The following SLFN5 variants were observed in gnomAD, a reference collection of about 807,000 sequenced individuals.
SLFN5 encodes the protein schlafen family member 5.
Under a neutral mutation model 48.5 loss-of-function variants are expected in SLFN5, and 34 were observed. The observed-to-expected ratio is 0.70, with a 90% confidence interval of 0.53 to 0.93. SLFN5 has a LOEUF of 0.93. Ranked by LOEUF, SLFN5 falls within the 40% of genes least tolerant of loss-of-function variation. The pLI is 0.00. For missense variants in SLFN5, 1,006 were observed against 1,071.3 expected (o/e 0.94, Z 0.85); for synonymous variants, 387 against 396.2 (o/e 0.98, Z 0.28).
chr17:35,255,966 T>G (rs1421526175), intron 1 of SLFN5, among the ~76,000 whole-genome samples: 1 of 152,222 alleles, frequency 6.6e-6, no homozygotes, highest in Non-Finnish European at 1.5e-5. Flanking sequence ...CATTATTTAG[T>G]TTTACCTGTT....
In SLFN5 at chr17:35,270,857, T is replaced by C. The variant is rs1904814737; in HGVS notation, c.*4969T>C. On this transcript the variant is annotated 3_prime_UTR_variant, in exon 5 of 5. Coordinates refer to ENST00000299977, the MANE Select transcript of SLFN5 (RefSeq NM_144975.4). ...ACATCGCCAAATGTCCCTTGGGGGGTAAAATCACCACCACCATACCTCTTT... is the reference window on the plus strand; with the variant it reads ...ACATCGCCAAATGTCCCTTGGGGGGCAAAATCACCACCACCATACCTCTTT... 1 of 151,888 alleles carries C rather than the reference T, an allele frequency of 6.6e-6. No individual in the cohort carries two copies. The allele number at this position is 151,888 out of a possible 1,614,324, so 9.4% of individuals were successfully genotyped here.
At position 35,264,519 on chromosome 17, in the gene SLFN5, C is replaced by G; in HGVS notation, c.1475C>G (p.Pro492Arg). The G allele has an allele frequency of 6.2e-7, 1 of 1,614,098 alleles. No individual in the cohort carries two copies. The highest frequency in any genetic ancestry group is 8.5e-7 in the Non-Finnish European group (1 of 1,180,006). Reference protein sequence around the residue: ...GGYTGRLCITPLVCVLNSDRK... With the variant: ...GGYTGRLCITRLVCVLNSDRK... ...TACACTGGGAGGTTATGCATCACCC[C>G]CTTGGTCTGTGTGCTGAATTCTGAT... The change falls in exon 4 of 5, where the codon CCC becomes CGC. Residue 492 changes from proline (P) to arginine (R), a missense_variant. By Grantham distance (103) the Pro-to-Arg change is moderately radical. Coordinates refer to ENST00000299977, the MANE Select transcript of SLFN5 (RefSeq NM_144975.4).
chr17:35,246,620 C>T (rs1172864020), intron 1 of SLFN5, among the ~76,000 whole-genome samples: 5 of 152,042 alleles, frequency 3.3e-5, no homozygotes, highest in Admixed American at 6.6e-5. Context: ...TTTGGGAGGC[C>T]GAGGCAGGGA....
chr17:35,265,832 C>T lies in SLFN5; in HGVS notation c.2620C>T (p.Leu874Phe). ...ACCGGCTGGGGCCTACAATCTTCTG[C>T]TCTGTTTGGCTTCTAGGGCAAAAAG... ...APPAGAYNLL[L>F]CLASRAKRHL... is the part of the protein sequence containing the mutation. Residue 874 changes from leucine (L) to phenylalanine (F), a missense_variant, in exon 5 of 5, where the codon CTC becomes TTC. By Grantham distance (22) the Leu-to-Phe change is conservative. Transcript: ENST00000299977. 6.2e-7 allele frequency: 1 copy of T among 1,613,648 alleles called. No homozygotes were observed. The highest frequency in any genetic ancestry group is 8.5e-7 in the Non-Finnish European group (1 of 1,179,832).
Position 35,265,942 on chromosome 17 carries a change from T to G in SLFN5, c.*54T>G, listed in dbSNP as rs1026608852. 1 of 1,493,368 alleles carries G rather than the reference T, an allele frequency of 6.7e-7. No individual in the cohort carries two copies. 92.5% of individuals were successfully genotyped at this position (1,493,368 alleles called of 1,614,324 possible). A position where few individuals can be genotyped will look rare whatever the true frequency, so the allele number is the denominator to read the frequency against. On this transcript the variant is annotated 3_prime_UTR_variant, in exon 5 of 5. Coordinates refer to ENST00000299977, the MANE Select transcript of SLFN5 (RefSeq NM_144975.4). ...AGTGGTTCTCATCTCTAATTAACTG[T>G]GAAACCATTTAATCCAAACATGTAA...
In SLFN5 at chr17:35,259,534, G is replaced by C; in HGVS notation, c.844G>C (p.Glu282Gln). 1 of 1,614,144 alleles carries C rather than the reference G, an allele frequency of 6.2e-7. No individual in the cohort carries two copies. Among genetic ancestry groups the C allele is most frequent in the Non-Finnish European group, 8.5e-7 (1 of 1,180,042 alleles). The change falls in exon 2 of 5, where the codon GAA (glutamate) becomes CAA (glutamine). Residue 282 changes from glutamate to glutamine, a missense_variant. Transcript: ENST00000299977. ...PEIKYVLNFL[E>Q]VHDKGALRGY... ...GATAAAATATGTCCTTAACTTCCTT[G>C]AAGTGCATGATAAGGGGGCCCTCCG...
chr17:35,244,737 A>G (rs937789131), intron 1 of SLFN5, among the ~76,000 whole-genome samples: 1 of 152,074 alleles, frequency 6.6e-6, no homozygotes, highest in African/African-American at 2.4e-5. Flanking sequence ...TGAGGTCAGG[A>G]GTTCGAGACA....
chr17:35,255,716 G>A (rs912368455), intron 1 of SLFN5, among the ~76,000 whole-genome samples: 6 of 152,032 alleles, frequency 3.9e-5, no homozygotes, highest in Non-Finnish European at 8.8e-5. Context: ...ATACAACAGA[G>A]AATAAAACTT....
Position 35,259,381 on chromosome 17 carries a change from G to A in SLFN5, c.691G>A (p.Val231Met), listed in dbSNP as rs564525734. The change falls in exon 2 of 5, where the codon GTG (valine) becomes ATG (methionine). Residue 231 changes from valine (V) to methionine (M), a missense_variant. By Grantham distance (21) the Val-to-Met change is conservative. Coordinates refer to ENST00000299977, the MANE Select transcript of SLFN5 (RefSeq NM_144975.4). Reference protein sequence around the residue: ...NTEGGYVFFGVHDETCQVIGC... With the variant: ...NTEGGYVFFGMHDETCQVIGC... Reference sequence around the variant, plus strand: ...TGAAGGAGGATATGTATTTTTTGGTGTGCATGATGAGACTTGTCAAGTGAT... The same window carrying A: ...TGAAGGAGGATATGTATTTTTTGGTATGCATGATGAGACTTGTCAAGTGAT... The A allele has an allele frequency of 6.8e-6, 11 of 1,614,160 alleles. No homozygotes were observed. Among genetic ancestry groups the A allele is most frequent in the East Asian group, 2.2e-5 (1 of 44,888 alleles).
chr17:35,271,824 G>A lies in SLFN5; in HGVS notation c.*5936G>A, dbSNP rs1904837896. On this transcript the variant is annotated 3_prime_UTR_variant, in exon 5 of 5. Coordinates refer to ENST00000299977, the MANE Select transcript of SLFN5 (RefSeq NM_144975.4). ...GCAGGTGGATTGCCTGAGTCCAGGA[G>A]TTCCAGACCAGCCTGGACAACATGG... is the stretch of plus-strand genomic sequence containing the variant. 1 of 152,178 alleles carries A rather than the reference G, an allele frequency of 6.6e-6. No homozygotes were observed. Among genetic ancestry groups the A allele is most frequent in the Non-Finnish European group, 1.5e-5 (1 of 68,058 alleles). 9.4% of individuals were successfully genotyped at this position (152,178 alleles called of 1,614,324 possible).
rs1271711985 is a variant in SLFN5 at position 35,273,257 on chromosome 17, G to T, written c.*7369G>T. ...ATATAAGTCTGTGCTTGTAAATGCA[G>T]TAAGTATCTTTGGAAGTATACCTAA... On this transcript the variant is annotated 3_prime_UTR_variant, in exon 5 of 5. Transcript: ENST00000299977. The T allele has an allele frequency of 6.6e-6, 1 of 152,150 alleles. No homozygotes were observed. 9.4% of individuals were successfully genotyped at this position (152,150 alleles called of 1,614,324 possible).
chr17:35,253,749 G>A (rs1048132179), intron 1 of SLFN5, among the ~76,000 whole-genome samples: 86 of 138,206 alleles, frequency 6.2e-4, no homozygotes, highest in African/African-American at 2.3e-3. Flanking sequence ...CCAGGCTGGA[G>A]TGCAGTGGCA....
At position 35,265,516 on chromosome 17, in the gene SLFN5, G is replaced by A; in HGVS notation, c.2304G>A (p.Glu768=). 6.2e-7 allele frequency: 1 copy of A among 1,614,238 alleles called. No homozygotes were observed. Among genetic ancestry groups the A allele is most frequent in the Non-Finnish European group, 8.5e-7 (1 of 1,180,048 alleles). Residue 768 remains glutamate, a synonymous_variant, in exon 5 of 5, where the codon GAG becomes GAA. Transcript: ENST00000299977. ...LEIIEDLNLE[E]ILIYVANKCR... ...TTATTGAAGACTTGAACTTGGAGGA[G>A]ATACTGATCTATGTAGCGAATAAAT... is the stretch of plus-strand genomic sequence containing the variant.
intron 1 of SLFN5, among the ~76,000 whole-genome samples, chr17:35,246,275 G>T (rs577855567): frequency 1.3e-5 from 2 of 152,196 alleles, no homozygotes; most frequent in South Asian, 4.2e-4. Flanking sequence ...CTTCCAGTCA[G>T]AGGTTTATAT....
chr17:35,259,279 T>C lies in SLFN5; in HGVS notation c.589T>C (p.Phe197Leu). Reference sequence around the variant, plus strand: ...CCTTCCTGAGTCCACACATGTTGAATTTGTAATGTTCTCGACAGACGTGTC... The same window carrying C: ...CCTTCCTGAGTCCACACATGTTGAACTTGTAATGTTCTCGACAGACGTGTC... ...LNLPESTHVE[F>L]VMFSTDVSHC... The change falls in exon 2 of 5, where the codon TTT becomes CTT. Residue 197 changes from phenylalanine to leucine, a missense_variant. Coordinates refer to ENST00000299977, the MANE Select transcript of SLFN5 (RefSeq NM_144975.4). 6.2e-7 allele frequency: 1 copy of C among 1,614,166 alleles called. No homozygotes were observed. The highest frequency in any genetic ancestry group is 8.5e-7 in the Non-Finnish European group (1 of 1,180,038).
chr17:35,251,655 C>T lies in SLFN5; in HGVS notation c.-40-6996C>T, dbSNP rs1477029231. On this transcript the variant is annotated intron_variant, in intron 1 of 4. Transcript: ENST00000299977. ...CTCTGACCTCGTGATCTGCCAGCCT[C>T]GGCCTCCCAAAGTGCTGGGATTACA... 3.3e-5 allele frequency among the ~76,000 whole-genome samples: 5 copies of T among 150,334 alleles called. 1 individual carries two copies. Among genetic ancestry groups the T allele is most frequent in the African/African-American group, 9.8e-5 (4 of 40,694 alleles).
rs1436843269 is a variant in SLFN5, at chr17:35,269,498, CAA to C, written c.*3614_*3615del. 2 of 151,926 alleles carry C rather than the reference CAA, an allele frequency of 1.3e-5. No individual in the cohort carries two copies. Among genetic ancestry groups the C allele is most frequent in the Non-Finnish European group, 2.9e-5 (2 of 67,964 alleles). 9.4% of individuals were successfully genotyped at this position (151,926 alleles called of 1,614,324 possible). A position where few individuals can be genotyped will look rare whatever the true frequency, so the allele number is the denominator to read the frequency against. On this transcript the variant is annotated 3_prime_UTR_variant, in exon 5 of 5. Coordinates refer to ENST00000299977, the MANE Select transcript of SLFN5 (RefSeq NM_144975.4). The stretch of plus-strand genomic sequence containing the variant: ...GTTTGGATCATTTTAAAAAAACAAA[CAA>C]AAATAATTTATTGGAATCATTAGGG...
chr17:35,258,687 G>A lies in SLFN5; in HGVS notation c.-4G>A, dbSNP rs557356355. ...AGGATAGGAATAGGCCAAGTGCTGAGAAGATGAGTCTTAGGATTGATGTGG... is the reference window on the plus strand; with the variant it reads ...AGGATAGGAATAGGCCAAGTGCTGAAAAGATGAGTCTTAGGATTGATGTGG... On this transcript the variant is annotated 5_prime_UTR_variant, in exon 2 of 5. Coordinates refer to ENST00000299977, the MANE Select transcript of SLFN5 (RefSeq NM_144975.4). The A allele has an allele frequency of 3.1e-6, 5 of 1,609,400 alleles. No individual in the cohort carries two copies. The highest frequency in any genetic ancestry group is 4.2e-6 in the Non-Finnish European group (5 of 1,176,734).
rs1476300477 is a variant in SLFN5 at position 35,264,303 on chromosome 17, T to C, written c.1259T>C (p.Ile420Thr). The C allele has an allele frequency of 1.9e-6, 3 of 1,614,020 alleles. No individual in the cohort carries two copies. The highest frequency in any genetic ancestry group is 1.7e-5 in the Admixed American group (1 of 59,994). Reference sequence around the variant, plus strand: ...CGCCCTTTCTCTCAAGGAATATTGATTTTTTCTCAAAGCTGGGCTGTGGAT... The same window carrying C: ...CGCCCTTTCTCTCAAGGAATATTGACTTTTTCTCAAAGCTGGGCTGTGGAT... The part of the protein sequence containing the change: ...EMRPFSQGIL[I>T]FSQSWAVDLG... The change falls in exon 4 of 5, where the codon ATT becomes ACT. Residue 420 changes from isoleucine to threonine, a missense_variant. Ile to Thr is a moderately conservative substitution (Grantham distance 89). Transcript: ENST00000299977.
Sources: gnomAD v4.1 joint callset for allele counts (sites outside exome capture counted in the v4.1 genomes callset) on GRCh38, gnomAD v4.1.1 for gene constraint, MANE v1.5 for transcripts, NCBI Gene and HGNC (gene_info 2026-07-23, HGNC 2026-07-21) for gene names.